The following PAX5 variants were observed in gnomAD, a reference collection of about 807,000 sequenced individuals.
PAX5 encodes the protein paired box 5.
A neutral mutation model predicts 43.7 loss-of-function variants in PAX5; 9 were observed. The ratio of observed to expected loss-of-function variants is 0.21; its 90% CI spans 0.12 to 0.36. The LOEUF (loss-of-function observed/expected upper bound fraction) is 0.36. PAX5 is among the 10% of genes least tolerant of loss of function. The probability of loss-of-function intolerance (pLI) is 1.00; values close to 1 mark genes in which losing one functional copy is unlikely to be tolerated. For synonymous variants in PAX5, 228 were observed against 214.3 expected (o/e 1.06, Z -0.56); for missense variants, 383 against 532.7 (o/e 0.72, Z 2.77).
intron 5 of PAX5, among the ~76,000 whole-genome samples, chr9:36,996,953 GC>G (rs773976236): frequency 5.3e-5 from 8 of 152,100 alleles, no homozygotes; most frequent in South Asian, 2.1e-4. Flanking sequence ...GCTAGTGAGA[GC>G]TAGACCGGGA....
intron 6 of PAX5, among the ~76,000 whole-genome samples, chr9:36,943,364 C>G (rs1041388512): frequency 8.5e-5 from 13 of 152,280 alleles, no homozygotes; most frequent in Middle Eastern, 3.4e-3. Flanking sequence ...TTTCCTATTC[C>G]TCATTTCAAA....
At chr9:36,979,416 C>T (rs1013011810) in intron 5 of PAX5, among the ~76,000 whole-genome samples, 4 of 152,144 alleles carry the variant, frequency 2.6e-5, no homozygotes, top group African/African-American at 7.2e-5. Context: ...GGCTCTGTAC[C>T]TTATAGGGGC....
chr9:36,930,164 G>T (rs1462918087), intron 6 of PAX5, among the ~76,000 whole-genome samples: 1 of 151,142 alleles, frequency 6.6e-6, no homozygotes, highest in Non-Finnish European at 1.5e-5. Context: ...GACAGTCAGG[G>T]TCATCTTTCC....
chr9:37,019,940 C>G (rs962628988), intron 2 of PAX5, among the ~76,000 whole-genome samples: 38 of 152,272 alleles, frequency 2.5e-4, no homozygotes, highest in Admixed American at 1.2e-3. Flanking sequence ...TTAAAACGTG[C>G]TTCATTGGAT....
chr9:37,026,720 T>G, intron 1 of PAX5: 1 of 1,275,888 alleles, frequency 7.8e-7, no homozygotes, highest in Non-Finnish European at 1.0e-6. Flanking sequence ...GGGGTCTCTC[T>G]CAGAGCCTCC....
At chr9:36,987,876 C>T (rs910348645) in intron 5 of PAX5, among the ~76,000 whole-genome samples, 2 of 152,250 alleles carry the variant, frequency 1.3e-5, no homozygotes, top group Non-Finnish European at 2.9e-5. Flanking sequence ...TACGCAGGTT[C>T]TTAACTGATA....
intron 6 of PAX5, among the ~76,000 whole-genome samples, chr9:36,949,733 C>T (rs531716087): frequency 6.6e-6 from 1 of 152,340 alleles, no homozygotes; most frequent in East Asian, 1.9e-4. Context: ...AGAAAGCACA[C>T]CACCGTCCTC....
intron 8 of PAX5, among the ~76,000 whole-genome samples, chr9:36,880,224 C>G (rs1826281840): frequency 6.6e-6 from 1 of 152,250 alleles, no homozygotes; most frequent in Non-Finnish European, 1.5e-5. Context: ...AGCTCCCCAC[C>G]CTGGGATCCT....
At chr9:36,884,144 T>C (rs1193480886) in intron 7 of PAX5, among the ~76,000 whole-genome samples, 1 of 152,202 alleles carries the variant, frequency 6.6e-6, no homozygotes, top group African/African-American at 2.4e-5. Flanking sequence ...ATCTTCCCAA[T>C]TCATTTCTCC....
chr9:37,027,306 C>T (rs2132543462), intron 1 of PAX5, among the ~76,000 whole-genome samples: 1 of 152,364 alleles, frequency 6.6e-6, no homozygotes, highest in East Asian at 1.9e-4. Flanking sequence ...AGACCCGCTG[C>T]CTTCAAAGTT....
rs565284194 is a variant in PAX5, at chr9:37,018,774, C to T, written c.212+1862G>A. On this transcript the variant is annotated intron_variant, in intron 2 of 9. Coordinates refer to ENST00000358127, the MANE Select transcript of PAX5 (RefSeq NM_016734.3). ...CTTAAACGGTCAGGCACCGGAGCGG[C>T]GCGTAACTTCCGAGTGCCACTCTAC... Among the ~76,000 whole-genome samples, 6 of 152,192 alleles carry T rather than the reference C, an allele frequency of 3.9e-5. No individual in the cohort carries two copies. The East Asian group carries it at 1.2e-3, about 29-fold the overall frequency.
chr9:36,998,871 AATG>A (rs1360032482), intron 5 of PAX5, among the ~76,000 whole-genome samples: 3 of 152,218 alleles, frequency 2.0e-5, no homozygotes, highest in Non-Finnish European at 4.4e-5. Flanking sequence ...GACATGTTGA[AATG>A]ATGATATTTG....
intron 6 of PAX5, among the ~76,000 whole-genome samples, chr9:36,956,103 G>A (rs1833455626): frequency 6.6e-6 from 1 of 152,016 alleles, no homozygotes; most frequent in Non-Finnish European, 1.5e-5. Flanking sequence ...TTGTTTGAGG[G>A]GAAATATCTC....
intron 6 of PAX5, among the ~76,000 whole-genome samples, chr9:36,958,974 C>G (rs1015309547): frequency 1.3e-5 from 2 of 152,208 alleles, no homozygotes; most frequent in African/African-American, 4.8e-5. Flanking sequence ...CCCAGCCCTG[C>G]TCCCTGCACT....
intron 7 of PAX5, among the ~76,000 whole-genome samples, chr9:36,895,230 G>A (rs571477815): frequency 1.3e-5 from 2 of 152,330 alleles, no homozygotes; most frequent in South Asian, 2.1e-4. Context: ...CCTCTGGAGC[G>A]GTTCACCCCA....
rs967311925 is a variant in PAX5, at chr9:36,833,903, A to G, written c.*6657T>C. On this transcript the variant is annotated 3_prime_UTR_variant, in exon 10 of 10. Coordinates refer to ENST00000358127, the MANE Select transcript of PAX5 (RefSeq NM_016734.3). ...TTTTTTTACAAGTAAGCGTCTATGC[A>G]GGCATCACAAACTTTGGCGGATACA... 7.0e-5 allele frequency: 16 copies of G among 228,902 alleles called. No individual in the cohort carries two copies. The highest frequency in any genetic ancestry group is 3.2e-4 in the African/African-American group (14 of 44,284). The allele number at this position is 228,902 out of a possible 1,614,324, so 14.2% of individuals were successfully genotyped here.
chr9:36,908,403 T>C (rs532276561), intron 7 of PAX5, among the ~76,000 whole-genome samples: 1 of 152,208 alleles, frequency 6.6e-6, no homozygotes, highest in East Asian at 1.9e-4. Context: ...TTCTCTTTCT[T>C]TTTCATTTTT....
intron 5 of PAX5, among the ~76,000 whole-genome samples, chr9:36,984,435 C>CTTTTTTTTTTTTTTTTTT (rs10663927): frequency 6.0e-5 from 4 of 66,880 alleles, no homozygotes; most frequent in African/African-American, 1.3e-4. Flanking sequence ...TTGAACCTCT[C>CTTTTTTTTTTTTTTTTTT]TTTTTTTTTT....
intron 8 of PAX5, among the ~76,000 whole-genome samples, chr9:36,871,063 CAG>C (rs916597652): frequency 4.6e-5 from 7 of 152,242 alleles, no homozygotes; most frequent in Non-Finnish European, 1.0e-4. Context: ...AACCACAAAA[CAG>C]AGGGAATTGC....
Sources: allele counts gnomAD v4.1 joint callset (sites outside exome capture counted in the v4.1 genomes callset), GRCh38; gene constraint gnomAD v4.1.1; transcripts MANE v1.5; gene names NCBI Gene and HGNC (gene_info 2026-07-23, HGNC 2026-07-21).